PCDHGB6: variants seen among roughly 807,000 people sequenced by gnomAD.
PCDHGB6 encodes protocadherin gamma subfamily B, 6.
In PCDHGB6, 51 loss-of-function variants were observed where a neutral mutation model predicts 59.1. The ratio of observed to expected loss-of-function variants is 0.86; its 90% CI spans 0.69 to 1.09. The LOEUF (loss-of-function observed/expected upper bound fraction) is 1.09, where lower values mean the gene tolerates loss of function less well. Ranked by LOEUF, PCDHGB6 falls within the 50% of genes least tolerant of loss-of-function variation. PCDHGB6 has a pLI of 0.00. For synonymous variants in PCDHGB6, 466 were observed against 495.1 expected, an observed-to-expected ratio of 0.94 and a Z score of 0.78; for missense variants, 1,148 against 1,205.1, an observed-to-expected ratio of 0.95 and a Z score of 0.70.
chr5:141,500,986 A>G (rs1223940696), intron 2 of PCDHGB6, among the ~76,000 whole-genome samples: 1 of 151,656 alleles, frequency 6.6e-6, no homozygotes, highest in East Asian at 1.9e-4. Flanking sequence ...CTCCTGCCTC[A>G]GCCTCCTGAG....
intron 1 of PCDHGB6, among the ~76,000 whole-genome samples, chr5:141,473,922 A>T (rs1025156251): frequency 2.0e-5 from 3 of 152,182 alleles, no homozygotes; most frequent in South Asian, 2.1e-4. Flanking sequence ...GAAAACTATG[A>T]GCTGGGTGCA....
chr5:141,462,009 G>A (rs2099028674), intron 1 of PCDHGB6, among the ~76,000 whole-genome samples: 1 of 152,190 alleles, frequency 6.6e-6, no homozygotes, highest in Admixed American at 6.5e-5. Context: ...TTTTAATAGA[G>A]ACGGGGTTTC....
In PCDHGB6 at chr5:141,489,461, A is replaced by G. The variant is rs1329676538; in HGVS notation, c.2419-5346A>G. 5.0e-6 allele frequency: 8 copies of G among 1,613,832 alleles called. No homozygotes were observed. The highest frequency in any genetic ancestry group is 6.8e-6 in the Non-Finnish European group (8 of 1,179,986). On this transcript the variant is annotated intron_variant, in intron 1 of 3. Transcript: ENST00000520790. This position sits in a 1 kb window ranked among gnomAD's most constrained non-coding sequence, Gnocchi z 4.5. ...TTGGGCTCTGAGGAGAATGGGCGCT[A>G]TTTTTCCCTGAGCTTGATGAGTGGT...
At chr5:141,460,977 G>A in intron 1 of PCDHGB6, among the ~76,000 whole-genome samples, 1 of 131,518 alleles carries the variant, frequency 7.6e-6, no homozygotes, top group African/African-American at 3.4e-5. Context: ...GTGTGTGTGT[G>A]TGTGTGTATA....
chr5:141,415,375 G>A (rs1453832867), intron 1 of PCDHGB6: 12 of 1,614,258 alleles, frequency 7.4e-6, no homozygotes, highest in South Asian at 1.1e-5. Context: ...GGCTTCAGGA[G>A]GCGGCTTGAC....
Position 141,410,164 on chromosome 5 carries a change from C to T in PCDHGB6, c.1962C>T (p.Leu654=), listed in dbSNP as rs756470415. The T allele has an allele frequency of 4.4e-5, 71 of 1,613,642 alleles. No homozygotes were observed. The highest frequency in any genetic ancestry group is 5.8e-5 in the Non-Finnish European group (69 of 1,179,812). Residue 654 remains leucine (L), a synonymous_variant, in exon 1 of 4, where the codon CTC becomes CTT. Transcript: ENST00000520790. ...TGCGTGACGGTGGACAGCCGCCACTCTCTGCCACCGCCACGCTTCATCTGG... is the reference window on the plus strand; with the variant it reads ...TGCGTGACGGTGGACAGCCGCCACTTTCTGCCACCGCCACGCTTCATCTGG... ...VAVRDGGQPP[L]SATATLHLVF... is the part of the protein sequence containing the mutation.
At position 141,413,315 on chromosome 5, in the gene PCDHGB6, C is replaced by G. The variant is rs747758921; in HGVS notation, c.2418+2695C>G. The stretch of plus-strand genomic sequence containing the variant: ...ATTCCTGAGGAATTAGAGAAAGGCT[C>G]TTTCGTGGGCAACATCTCCAAGGAC... On this transcript the variant is annotated intron_variant, in intron 1 of 3. Transcript: ENST00000520790. 6 of 1,613,976 alleles carry G rather than the reference C, an allele frequency of 3.7e-6. No individual in the cohort carries two copies. The South Asian group carries it at 5.5e-5, about 15-fold the overall frequency.
chr5:141,432,538 G>C lies in PCDHGB6; in HGVS notation c.2418+21918G>C, dbSNP rs200601557. The C allele has an allele frequency of 2.5e-5, 40 of 1,614,026 alleles. No individual in the cohort carries two copies. The highest frequency in any genetic ancestry group is 1.5e-4 in the Admixed American group (9 of 60,032). On this transcript the variant is annotated intron_variant, in intron 1 of 3. Coordinates refer to ENST00000520790, the MANE Select transcript of PCDHGB6 (RefSeq NM_018926.3). This position sits in a 1 kb window ranked among gnomAD's most constrained non-coding sequence, Gnocchi z 6.0. ...GCTACCTGGTGACCAAGGTGGTGGC[G>C]GTGGACAGAGACTCCGGCCAGAACG...
At chr5:141,451,315 T>A (rs2154563546) in intron 1 of PCDHGB6, among the ~76,000 whole-genome samples, 1 of 152,330 alleles carries the variant, frequency 6.6e-6, no homozygotes, top group South Asian at 2.1e-4. Context: ...GCAATTAAAG[T>A]GTCACCTAAG....
At position 141,409,612 on chromosome 5, in the gene PCDHGB6, C is replaced by T; in HGVS notation, c.1410C>T (p.Ser470=). The T allele has an allele frequency of 6.2e-7, 1 of 1,613,908 alleles. No individual in the cohort carries two copies. The highest frequency in any genetic ancestry group is 8.5e-7 in the Non-Finnish European group (1 of 1,179,900). Residue 470 remains serine, a synonymous_variant, in exon 1 of 4, where the codon TCC becomes TCT. Coordinates refer to ENST00000520790, the MANE Select transcript of PCDHGB6 (RefSeq NM_018926.3). ...CCGAGAACAACCCGCCAGGAGCCTC[C>T]ATTGCGCAAGTGAGCGCCTCTGACC... ...HVAENNPPGA[S]IAQVSASDPD...
intron 1 of PCDHGB6, among the ~76,000 whole-genome samples, chr5:141,484,045 G>A (rs934525987): frequency 7.9e-5 from 12 of 152,026 alleles, no homozygotes; most frequent in African/African-American, 2.9e-4. Context: ...AGCTCCAAGA[G>A]GTCCCCTGGG....
At chr5:141,420,462 G>T in intron 1 of PCDHGB6, 2 of 892,618 alleles carry the variant, frequency 2.2e-6, no homozygotes. Context: ...ACTATTCAAA[G>T]ACATTTTAAA....
chr5:141,456,463 G>A (rs1195450847), intron 1 of PCDHGB6, among the ~76,000 whole-genome samples: 1 of 152,122 alleles, frequency 6.6e-6, no homozygotes, highest in Non-Finnish European at 1.5e-5. Context: ...ATCAATACAA[G>A]ACATATAAGC....
At chr5:141,425,253 A>G (rs1019069029) in intron 1 of PCDHGB6, among the ~76,000 whole-genome samples, 12 of 152,196 alleles carry the variant, frequency 7.9e-5, no homozygotes, top group Non-Finnish European at 1.5e-4. Context: ...GATATGAGGT[A>G]TTTGGCTGGG....
Position 141,431,451 on chromosome 5 carries a change from T to C in PCDHGB6, c.2418+20831T>C. On this transcript the variant is annotated intron_variant, in intron 1 of 3. Transcript: ENST00000520790. The surrounding 1 kb of genome is among the most constrained non-coding windows in gnomAD (Gnocchi z 4.8). ...ACAGGCACCGCGCGCATCCGCGTGA[T>C]GGTTCTGGATGCGAACGACAACGCA... The C allele has an allele frequency of 6.2e-7, 1 of 1,613,762 alleles. No individual in the cohort carries two copies. Among genetic ancestry groups the C allele is most frequent in the African/African-American group, 1.3e-5 (1 of 75,072 alleles).
chr5:141,477,469 T>C lies in PCDHGB6; in HGVS notation c.2419-17338T>C, dbSNP rs2099411540. ...TGCGTGTTCAAGTGTCCGACATCAA[T>C]GACAACCCTCCACAATCTTCTCAAT... On this transcript the variant is annotated intron_variant, in intron 1 of 3. Coordinates refer to ENST00000520790, the MANE Select transcript of PCDHGB6 (RefSeq NM_018926.3). The surrounding 1 kb of genome is among the most constrained non-coding windows in gnomAD (Gnocchi z 4.9). 6.2e-7 allele frequency: 1 copy of C among 1,614,028 alleles called. No homozygotes were observed. Among genetic ancestry groups the C allele is most frequent in the South Asian group, 1.1e-5 (1 of 91,078 alleles).
Position 141,431,435 on chromosome 5 carries a change from G to T in PCDHGB6, c.2418+20815G>T. On this transcript the variant is annotated intron_variant, in intron 1 of 3. Coordinates refer to ENST00000520790, the MANE Select transcript of PCDHGB6 (RefSeq NM_018926.3). This position sits in a 1 kb window ranked among gnomAD's most constrained non-coding sequence, Gnocchi z 4.8. The stretch of plus-strand genomic sequence containing the variant: ...GGGCGACCCGGTGCGCACAGGCACC[G>T]CGCGCATCCGCGTGATGGTTCTGGA... The T allele has an allele frequency of 6.2e-7, 1 of 1,613,668 alleles. No individual in the cohort carries two copies. Among genetic ancestry groups the T allele is most frequent in the Non-Finnish European group, 8.5e-7 (1 of 1,180,026 alleles).
intron 3 of PCDHGB6, among the ~76,000 whole-genome samples, chr5:141,505,989 T>C (rs1275642739): frequency 6.6e-6 from 1 of 152,136 alleles, no homozygotes; most frequent in Non-Finnish European, 1.5e-5. Context: ...ACACCTCCTC[T>C]TTATGCGAGG....
intron 1 of PCDHGB6, chr5:141,441,802 T>C (rs2098274220): frequency 2.6e-6 from 1 of 382,538 alleles, no homozygotes; most frequent in South Asian, 2.1e-5. Flanking sequence ...GCACCGCGGG[T>C]GCTGTACCCC....
Sources: gnomAD v4.1 joint callset for allele counts (sites outside exome capture counted in the v4.1 genomes callset) on GRCh38, gnomAD v4.1.1 for gene constraint, Gnocchi (gnomAD v3.1) non-coding constraint, MANE v1.5 for transcripts, NCBI Gene and HGNC (gene_info 2026-07-23, HGNC 2026-07-21) for gene names.